The following NPTN variants were observed in gnomAD, a reference collection of about 807,000 sequenced individuals.
The protein encoded by NPTN is SDR-1.
A neutral mutation model predicts 42.7 loss-of-function variants in NPTN; 5 were observed. That is an observed-to-expected ratio of 0.12 (90% CI 0.06 to 0.25). The LOEUF (loss-of-function observed/expected upper bound fraction) is 0.25. Ranked by LOEUF, NPTN falls within the 10% of genes least tolerant of loss-of-function variation. NPTN has a pLI of 1.00. For missense variants in NPTN, 307 were observed against 525.4 expected (o/e 0.58, Z 4.06); for synonymous variants, 180 against 201.9 (o/e 0.89, Z 0.92).
intron 4 of NPTN, among the ~76,000 whole-genome samples, chr15:73,577,685 GCTC>G (rs1029346348): frequency 7.9e-5 from 12 of 152,274 alleles, no homozygotes; most frequent in Admixed American, 7.8e-4. Flanking sequence ...TCCCTAAACT[GCTC>G]CTAAGATCAG....
chr15:73,590,868 C>A (rs1896556736), intron 3 of NPTN, among the ~76,000 whole-genome samples: 1 of 151,900 alleles, frequency 6.6e-6, no homozygotes, highest in African/African-American at 2.4e-5. Flanking sequence ...TAATCCTTTC[C>A]AAACTATGAG....
chr15:73,624,554 A>G (rs1473322900), intron 1 of NPTN, among the ~76,000 whole-genome samples: 1 of 152,244 alleles, frequency 6.6e-6, no homozygotes, highest in Non-Finnish European at 1.5e-5. Context: ...ATAGTTGCCA[A>G]CAAAGGAGGA....
At chr15:73,585,121 A>G (rs558124746) in intron 4 of NPTN, among the ~76,000 whole-genome samples, 174 of 152,328 alleles carry the variant, frequency 1.1e-3, no homozygotes, top group Middle Eastern at 6.8e-3. Flanking sequence ...AACGGCTGAG[A>G]GCAGAATAGA....
chr15:73,560,742 T>C lies in NPTN; in HGVS notation c.*321A>G, dbSNP rs1251700829. 4 of 152,156 alleles carry C rather than the reference T, an allele frequency of 2.6e-5. No individual in the cohort carries two copies. Among genetic ancestry groups the C allele is most frequent in the African/African-American group, 9.7e-5 (4 of 41,354 alleles). 9.4% of individuals were successfully genotyped at this position (152,156 alleles called of 1,614,324 possible). A position where few individuals can be genotyped will look rare whatever the true frequency, so the allele number is the denominator to read the frequency against. ...GAGCTTTGCCAATTTAACAGCTGCATTAAGTAAAAAATGGCGCATGCATGA... is the reference window on the plus strand; with the variant it reads ...GAGCTTTGCCAATTTAACAGCTGCACTAAGTAAAAAATGGCGCATGCATGA... On this transcript the variant is annotated 3_prime_UTR_variant, in exon 9 of 9. Transcript: ENST00000345330.
In NPTN at chr15:73,633,210, C is replaced by T; in HGVS notation, c.6G>A (p.Ser2=). The change falls in exon 1 of 9, where the codon TCG becomes TCA. Residue 2 remains serine (S), a synonymous_variant. Coordinates refer to ENST00000345330, the MANE Select transcript of NPTN (RefSeq NM_012428.4). M[S]GSSLPSALAL... The stretch of plus-strand genomic sequence containing the variant: ...CCAGGGCGCTGGGCAGCGACGAACC[C>T]GACATCCTCCCTAGCAGAAGACCCA... 6.5e-7 allele frequency: 1 copy of T among 1,528,208 alleles called. No homozygotes were observed. Among genetic ancestry groups the T allele is most frequent in the South Asian group, 1.2e-5 (1 of 81,502 alleles). The allele number at this position is 1,528,208 out of a possible 1,614,324, so 94.7% of individuals were successfully genotyped here. A position where few individuals can be genotyped will look rare whatever the true frequency, so the allele number is the denominator to read the frequency against.
intron 4 of NPTN, among the ~76,000 whole-genome samples, chr15:73,580,440 TAATA>T (rs1217109536): frequency 8.0e-5 from 6 of 74,642 alleles, no homozygotes; most frequent in Non-Finnish European, 1.1e-4. Flanking sequence ...ATAATATATA[TAATA>T]TATATGTATA....
At chr15:73,592,257 C>A in intron 2 of NPTN, 120 bp from the exon 3 acceptor site, 1 of 740,064 alleles carries the variant, frequency 1.4e-6, no homozygotes, top group Non-Finnish European at 2.1e-6. Context: ...GACAGGACCA[C>A]ATGAGGAATT....
chr15:73,584,190 G>C (rs1235949247), intron 4 of NPTN, among the ~76,000 whole-genome samples: 1 of 152,166 alleles, frequency 6.6e-6, no homozygotes, highest in Non-Finnish European at 1.5e-5. Flanking sequence ...ACAAGAGGCA[G>C]TGACATATTT....
rs1472863278 is a variant in NPTN, at chr15:73,597,555, G to C, written c.92-186C>G. Reference sequence around the variant, plus strand: ...CAATTCATACAAGCTTTTAGAAGAAGAACCACACCCTGGGAAGCTTATGAA... The same window carrying C: ...CAATTCATACAAGCTTTTAGAAGAACAACCACACCCTGGGAAGCTTATGAA... On this transcript the variant is annotated intron_variant, in intron 1 of 8. Transcript: ENST00000345330. The surrounding 1 kb of genome is among the most constrained non-coding windows in gnomAD (Gnocchi z 6.3). Among the ~76,000 whole-genome samples the C allele has an allele frequency of 1.3e-5, 2 of 152,178 alleles. No homozygotes were observed. The highest frequency in any genetic ancestry group is 2.4e-5 in the African/African-American group (1 of 41,444).
intron 7 of NPTN, 131 bp from the exon 8 acceptor site, chr15:73,562,101 T>C: frequency 1.5e-6 from 1 of 676,466 alleles, no homozygotes; most frequent in Non-Finnish European, 2.6e-6. Context: ...TGGCACAATA[T>C]GAGTGCATAA....
chr15:73,631,987 T>C (rs1006600353), intron 1 of NPTN, among the ~76,000 whole-genome samples: 6 of 152,174 alleles, frequency 3.9e-5, no homozygotes, highest in Non-Finnish European at 8.8e-5. Flanking sequence ...GGGGCCACTT[T>C]CATGTTCCTC....
chr15:73,623,504 T>G (rs1018209060), intron 1 of NPTN, among the ~76,000 whole-genome samples: 1 of 152,056 alleles, frequency 6.6e-6, no homozygotes, highest in African/African-American at 2.4e-5. Context: ...CTGGGCAACA[T>G]AGGGAGACCT....
At chr15:73,592,701 T>C (rs901786566) in intron 2 of NPTN, among the ~76,000 whole-genome samples, 2 of 152,236 alleles carry the variant, frequency 1.3e-5, no homozygotes, top group African/African-American at 4.8e-5. Flanking sequence ...TGGAAGTCAC[T>C]TGCATTTTCC....
Position 73,560,152 on chromosome 15 carries a change from T to G in NPTN, c.*911A>C. 2.9e-6 allele frequency: 1 copy of G among 349,842 alleles called. No individual in the cohort carries two copies. Among genetic ancestry groups the G allele is most frequent in the Non-Finnish European group, 5.1e-6 (1 of 197,096 alleles). 21.7% of individuals were successfully genotyped at this position (349,842 alleles called of 1,614,324 possible). A position where few individuals can be genotyped will look rare whatever the true frequency, so the allele number is the denominator to read the frequency against. The stretch of plus-strand genomic sequence containing the variant: ...GCATGAGAACCGTTAGGTTATAAAA[T>G]CTATCATCAACCAGTAAATCAATGT... On this transcript the variant is annotated 3_prime_UTR_variant, in exon 9 of 9. Coordinates refer to ENST00000345330, the MANE Select transcript of NPTN (RefSeq NM_012428.4).
intron 1 of NPTN, among the ~76,000 whole-genome samples, chr15:73,605,106 G>GGC (rs1897238286): frequency 6.9e-6 from 1 of 145,768 alleles, no homozygotes; most frequent in African/African-American, 2.7e-5. Flanking sequence ...TCAAGGGGGG[G>GGC]GGGGGAAAAG....
chr15:73,594,332 A>G (rs1896734371), intron 2 of NPTN, among the ~76,000 whole-genome samples: 2 of 152,226 alleles, frequency 1.3e-5, no homozygotes, highest in African/African-American at 2.4e-5. Flanking sequence ...ACTGCAGCTC[A>G]GGGAGATTAA....
intron 1 of NPTN, among the ~76,000 whole-genome samples, chr15:73,608,834 A>T (rs1445798652): frequency 1.3e-5 from 2 of 152,184 alleles, no homozygotes; most frequent in African/African-American, 4.8e-5. Flanking sequence ...AATCAAATGA[A>T]CTTATTGACG....
At chr15:73,627,862 A>C (rs1898505782) in intron 1 of NPTN, among the ~76,000 whole-genome samples, 1 of 152,214 alleles carries the variant, frequency 6.6e-6, no homozygotes, top group South Asian at 2.1e-4. Context: ...ATGTTTTTAC[A>C]CAAGATCACT....
At chr15:73,622,989 C>T (rs1898210248) in intron 1 of NPTN, among the ~76,000 whole-genome samples, 1 of 152,210 alleles carries the variant, frequency 6.6e-6, no homozygotes, top group South Asian at 2.1e-4. Context: ...TAAAGACAGG[C>T]TGTGGCTTCT....
Sources: gnomAD v4.1 joint callset for allele counts (sites outside exome capture counted in the v4.1 genomes callset) on GRCh38, gnomAD v4.1.1 for gene constraint, Gnocchi (gnomAD v3.1) non-coding constraint, MANE v1.5 for transcripts, NCBI Gene and HGNC (gene_info 2026-07-23, HGNC 2026-07-21) for gene names.